Variants in HERC3 observed in about 807,000 individuals in gnomAD.
HERC3 encodes the protein HECT and RLD domain containing E3 ubiquitin protein ligase 3, also known as probable E3 ubiquitin-protein ligase HERC3.
In HERC3, 58 loss-of-function variants were observed where a neutral mutation model predicts 129.9. The ratio of observed to expected loss-of-function variants is 0.45; its 90% CI spans 0.36 to 0.56. The LOEUF is 0.56. Among genes scored for constraint, HERC3 ranks in the 20% least tolerant of loss-of-function variants. The pLI is 0.00. For synonymous variants in HERC3, 430 were observed against 451.0 expected (o/e 0.95, Z 0.59); for missense variants, 835 against 1,244.2 (o/e 0.67, Z 4.95).
In HERC3 at chr4:88,662,564, C is replaced by T; in HGVS notation, c.1271+9C>T. The T allele has an allele frequency of 5.0e-6, 8 of 1,590,992 alleles. No homozygotes were observed. Among genetic ancestry groups the T allele is most frequent in the Non-Finnish European group, 6.8e-6 (8 of 1,173,766 alleles). Reference sequence around the variant, plus strand: ...AATGCAAATACAATCAAGTATGTGGCTGCTTGTCTTCATTTTTTTTTCCAC... The same window carrying T: ...AATGCAAATACAATCAAGTATGTGGTTGCTTGTCTTCATTTTTTTTTCCAC... On this transcript the variant is annotated intron_variant, in intron 11 of 25. Coordinates refer to ENST00000402738, the MANE Select transcript of HERC3 (RefSeq NM_014606.3).
chr4:88,619,916 G>GTAA (rs2149219423), intron 3 of HERC3, among the ~76,000 whole-genome samples: 1 of 152,310 alleles, frequency 6.6e-6, no homozygotes, highest in Non-Finnish European at 1.5e-5. Context: ...TTTTAAAAGA[G>GTAA]TAATACCTAG....
At chr4:88,673,264 G>A (rs377254227) in intron 16 of HERC3, among the ~76,000 whole-genome samples, 1 of 152,172 alleles carries the variant, frequency 6.6e-6, no homozygotes, top group Admixed American at 6.5e-5. Flanking sequence ...TATTGTGCAC[G>A]TGTGAGACAA....
intron 18 of HERC3, among the ~76,000 whole-genome samples, chr4:88,676,646 G>A (rs560092061): frequency 1.3e-5 from 2 of 152,178 alleles, no homozygotes; most frequent in Non-Finnish European, 2.9e-5. Flanking sequence ...CTTAGTAAAT[G>A]TTTTAAGCTT....
chr4:88,610,198 T>C (rs1214822271), intron 3 of HERC3, among the ~76,000 whole-genome samples: 1 of 152,192 alleles, frequency 6.6e-6, no homozygotes, highest in Non-Finnish European at 1.5e-5. Flanking sequence ...CTCACGCCTG[T>C]AATCCCCGCA....
Position 88,667,939 on chromosome 4 carries a change from A to G in HERC3, c.1491A>G (p.Ser497=). 6.2e-7 allele frequency: 1 copy of G among 1,613,226 alleles called. No homozygotes were observed. Residue 497 remains serine, a synonymous_variant, in exon 14 of 26, where the codon TCA becomes TCG. Transcript: ENST00000402738. ...ESCLIPQLSS[S]PPDVEAMRIY... is the part of the protein sequence containing the mutation. ...GTCTGATTCCCCAGTTGTCAAGCTCACCACCAGATGTTGAAGCCATGAGAA... is the reference window on the plus strand; with the variant it reads ...GTCTGATTCCCCAGTTGTCAAGCTCGCCACCAGATGTTGAAGCCATGAGAA...
chr4:88,622,890 C>G (rs540509276), intron 3 of HERC3, among the ~76,000 whole-genome samples: 2 of 152,254 alleles, frequency 1.3e-5, no homozygotes, highest in African/African-American at 4.8e-5. Flanking sequence ...AATTGCGTCA[C>G]TGCACTCCAG....
chr4:88,548,772 T>C, the HERC3 span, among the ~76,000 whole-genome samples: 1 of 151,864 alleles, frequency 6.6e-6, no homozygotes, highest in Non-Finnish European at 1.5e-5. Context: ...GCGATTCTCC[T>C]GCCTCAGCCT....
intron 23 of HERC3, among the ~76,000 whole-genome samples, chr4:88,703,177 GC>G (rs1315715318): frequency 1.3e-5 from 2 of 152,070 alleles, no homozygotes; most frequent in Non-Finnish European, 2.9e-5. Flanking sequence ...CACATAGGAT[GC>G]CCCACTTCTA....
At chr4:88,647,627 G>A (rs1728833954) in intron 3 of HERC3, among the ~76,000 whole-genome samples, 1 of 152,064 alleles carries the variant, frequency 6.6e-6, no homozygotes, top group Non-Finnish European at 1.5e-5. Context: ...GGAACAATAG[G>A]AATTACAGAA....
At chr4:88,596,703 A>G (rs1722431843) in intron 2 of HERC3, among the ~76,000 whole-genome samples, 2 of 152,382 alleles carry the variant, frequency 1.3e-5, no homozygotes, top group East Asian at 1.9e-4. Context: ...CATGTCATAT[A>G]TGTTAAGAAA....
At chr4:88,566,901 C>T in the HERC3 span, among the ~76,000 whole-genome samples, 3 of 152,160 alleles carry the variant, frequency 2.0e-5, no homozygotes, top group African/African-American at 7.2e-5. Context: ...GTGATTCTCC[C>T]ACCTCAGCCT....
At chr4:88,526,083 T>A in the HERC3 span, among the ~76,000 whole-genome samples, 7 of 152,272 alleles carry the variant, frequency 4.6e-5, no homozygotes, top group South Asian at 1.2e-3. Flanking sequence ...AATAAAACAA[T>A]TCAAGTAAAA....
Position 88,708,072 on chromosome 4 carries a change from C to T in HERC3, c.*1112C>T, listed in dbSNP as rs1735915781. The T allele has an allele frequency of 6.6e-6, 1 of 151,786 alleles. No homozygotes were observed. The highest frequency in any genetic ancestry group is 6.6e-5 in the Admixed American group (1 of 15,194). The allele number at this position is 151,786 out of a possible 1,614,324, so 9.4% of individuals were successfully genotyped here. A position where few individuals can be genotyped will look rare whatever the true frequency, so the allele number is the denominator to read the frequency against. On this transcript the variant is annotated 3_prime_UTR_variant, in exon 26 of 26. Coordinates refer to ENST00000402738, the MANE Select transcript of HERC3 (RefSeq NM_014606.3). ...AAAATTTTTACTCAGATTTTTTTTC[C>T]TCTTCCCTAATTGCTAAGATTTAAG...
chr4:88,531,610 C>T, the HERC3 span, among the ~76,000 whole-genome samples: 1 of 152,162 alleles, frequency 6.6e-6, no homozygotes, highest in African/African-American at 2.4e-5. Flanking sequence ...TGAGCTGTTG[C>T]TCTCTCAACC....
In HERC3 at chr4:88,678,048, C is replaced by A. The variant is rs1215874718; in HGVS notation, c.2110C>A (p.Leu704Ile). 6.2e-7 allele frequency: 1 copy of A among 1,613,860 alleles called. No individual in the cohort carries two copies. The highest frequency in any genetic ancestry group is 2.2e-5 in the East Asian group (1 of 44,892). Reference sequence around the variant, plus strand: ...GCTGGCCAGAAGCCCCTTCCTGGTCCTTCACGTTCGCAGGAACAACCTTGT... The same window carrying A: ...GCTGGCCAGAAGCCCCTTCCTGGTCATTCACGTTCGCAGGAACAACCTTGT... ...PLLARSPFLV[L>I]HVRRNNLVGD... The change falls in exon 19 of 26, where the codon CTT becomes ATT. Residue 704 changes from leucine to isoleucine, a missense_variant. Leu to Ile is a conservative substitution (Grantham distance 5). Coordinates refer to ENST00000402738, the MANE Select transcript of HERC3 (RefSeq NM_014606.3).
chr4:88,693,779 T>G, intron 23 of HERC3: 1 of 618,862 alleles, frequency 1.6e-6, no homozygotes, highest in Non-Finnish European at 2.0e-6. Context: ...TGCGTAATAC[T>G]CAGAGAGTTG....
intron 3 of HERC3, among the ~76,000 whole-genome samples, chr4:88,627,547 T>C (rs1184490869): frequency 6.6e-6 from 1 of 152,158 alleles, no homozygotes; most frequent in African/African-American, 2.4e-5. Context: ...TGGGGGGCCC[T>C]GGAACCAATC....
At chr4:88,665,365 A>G (rs1359394566) in intron 12 of HERC3, among the ~76,000 whole-genome samples, 1 of 152,208 alleles carries the variant, frequency 6.6e-6, no homozygotes, top group Admixed American at 6.5e-5. Flanking sequence ...GGCCTGAGAA[A>G]TGGGTGGGGG....
Position 88,649,886 on chromosome 4 carries a change from T to C in HERC3, c.273T>C (p.Cys91=), listed in dbSNP as rs1560717641. 3 of 1,614,076 alleles carry C rather than the reference T, an allele frequency of 1.9e-6. No individual in the cohort carries two copies. Among genetic ancestry groups the C allele is most frequent in the South Asian group, 2.2e-5 (2 of 91,082 alleles). The change falls in exon 4 of 26, where the codon TGT becomes TGC. Residue 91 remains cysteine (C), a synonymous_variant. Transcript: ENST00000402738. Reference sequence around the variant, plus strand: ...ATCAGCATATCATTCATGTGGCATGTGGCGAGTCCCACAGTCTGGCCCTCA... The same window carrying C: ...ATCAGCATATCATTCATGTGGCATGCGGCGAGTCCCACAGTCTGGCCCTCA... ...LADQHIIHVA[C]GESHSLALSD... is the part of the protein sequence containing the mutation.
Sources: gnomAD v4.1 joint callset for allele counts (sites outside exome capture counted in the v4.1 genomes callset) on GRCh38, gnomAD v4.1.1 for gene constraint, MANE v1.5 for transcripts, NCBI Gene and HGNC (gene_info 2026-07-23, HGNC 2026-07-21) for gene names.